Variants in EGF observed in about 807,000 individuals in gnomAD.
EGF encodes epidermal growth factor.
In EGF, 95 loss-of-function variants were observed where a neutral mutation model predicts 143.8. The observed-to-expected ratio is 0.66, with a 90% CI of 0.56 to 0.78. The LOEUF (loss-of-function observed/expected upper bound fraction) is 0.78, where lower values mean the gene tolerates loss of function less well. Among genes scored for constraint, EGF ranks in the 30% least tolerant of loss-of-function variants. The pLI is 0.00. For missense variants in EGF, 1,320 were observed against 1,470.9 expected (o/e 0.90, Z 1.68); for synonymous variants, 510 against 510.5 (o/e 1.00, Z 0.01).
intron 11 of EGF, among the ~76,000 whole-genome samples, chr4:109,971,585 G>C (rs1004361565): frequency 6.6e-6 from 1 of 152,158 alleles, no homozygotes; most frequent in Non-Finnish European, 1.5e-5. Flanking sequence ...AGGCACCACT[G>C]TTTCCTGGAG....
intron 5 of EGF, among the ~76,000 whole-genome samples, chr4:109,954,545 A>G (rs976438681): frequency 1.3e-5 from 2 of 152,178 alleles, no homozygotes; most frequent in African/African-American, 4.8e-5. Context: ...TCTATTACTG[A>G]CAAGAGTAAA....
In EGF at chr4:109,945,350, GGC is replaced by G. The variant is rs1476400651; in HGVS notation, c.940+77_940+78del. On this transcript the variant is annotated intron_variant, in intron 5 of 23. Coordinates refer to ENST00000265171, the MANE Select transcript of EGF (RefSeq NM_001963.6). Reference sequence around the variant, plus strand: ...TTCACCTGCTTGAGCCAGACAATGAGGCGTTGTAGGGGAAAAAAAATTTTTTT... The same window carrying G: ...TTCACCTGCTTGAGCCAGACAATGAGGTTGTAGGGGAAAAAAAATTTTTTT... 49 of 1,488,340 alleles carry G rather than the reference GGC, an allele frequency of 3.3e-5. No individual in the cohort carries two copies. In the African/African-American group the frequency reaches 5.4e-4, roughly 16 times the overall value. The allele number at this position is 1,488,340 out of a possible 1,614,324, so 92.2% of individuals were successfully genotyped here. A position where few individuals can be genotyped will look rare whatever the true frequency, so the allele number is the denominator to read the frequency against.
intron 22 of EGF, among the ~76,000 whole-genome samples, chr4:110,007,735 G>A (rs41335844): frequency 6.2e-4 from 94 of 152,234 alleles, no homozygotes; most frequent in African/African-American, 2.3e-3. Context: ...GTTTAAATGA[G>A]TGTTATTAAT....
intron 1 of EGF, among the ~76,000 whole-genome samples, chr4:109,922,306 GA>G (rs1737943253): frequency 6.6e-6 from 1 of 151,454 alleles, no homozygotes; most frequent in Non-Finnish European, 1.5e-5. Context: ...ATGTAAGTGG[GA>G]AAAAATGAGG....
intron 11 of EGF, among the ~76,000 whole-genome samples, chr4:109,971,417 G>A (rs865964370): frequency 1.3e-5 from 2 of 152,186 alleles, no homozygotes; most frequent in African/African-American, 2.4e-5. Context: ...GAGGGTAAAC[G>A]ATGATCAAAA....
chr4:109,973,413 G>A (rs1331606403), intron 11 of EGF, among the ~76,000 whole-genome samples: 1 of 151,966 alleles, frequency 6.6e-6, no homozygotes, highest in African/African-American at 2.4e-5. Flanking sequence ...ACCTTTGCCT[G>A]GCTGCCTGCT....
At chr4:110,008,692 T>C (rs1253927325) in intron 23 of EGF, among the ~76,000 whole-genome samples, 1 of 152,192 alleles carries the variant, frequency 6.6e-6, no homozygotes, top group Non-Finnish European at 1.5e-5. Context: ...AGTATTCAGG[T>C]CTTATCAGGG....
In EGF at chr4:109,951,445, A is replaced by G. The variant is rs143228410; in HGVS notation, c.940+6170A>G. 4.9e-3 allele frequency among the ~76,000 whole-genome samples: 752 copies of G among 152,286 alleles called. 2 individuals are homozygous for G. The highest frequency in any genetic ancestry group is 8.9e-3 in the Non-Finnish European group (605 of 68,032). On this transcript the variant is annotated intron_variant, in intron 5 of 23. Transcript: ENST00000265171. The stretch of plus-strand genomic sequence containing the variant: ...TAATATAATAAGGAATAAGTTTTAA[A>G]GATACATAATATCTGAGTACATAGG...
chr4:109,962,830 G>T (rs1261140907), intron 8 of EGF, among the ~76,000 whole-genome samples: 1 of 152,138 alleles, frequency 6.6e-6, no homozygotes, highest in African/African-American at 2.4e-5. Flanking sequence ...ATTTTGGGAG[G>T]CTGAGGCAGA....
chr4:110,000,430 CTTTG>C (rs565044572), intron 21 of EGF, among the ~76,000 whole-genome samples: 71 of 152,146 alleles, frequency 4.7e-4, no homozygotes, highest in African/African-American at 1.5e-3. Flanking sequence ...GTTCCACTCT[CTTTG>C]TTTAATATTA....
At chr4:109,994,097 G>T (rs931486892) in intron 19 of EGF, among the ~76,000 whole-genome samples, 4 of 151,396 alleles carry the variant, frequency 2.6e-5, no homozygotes, top group African/African-American at 9.7e-5. Context: ...CTGAAAAACT[G>T]CTTATATTTA....
chr4:109,980,582 C>T, intron 14 of EGF: 1 of 536,410 alleles, frequency 1.9e-6, no homozygotes, highest in Non-Finnish European at 3.3e-6. Flanking sequence ...GACTAAAGAG[C>T]TTCTTGAAAA....
At chr4:110,002,463 A>G (rs866053112) in intron 21 of EGF, among the ~76,000 whole-genome samples, 2 of 152,204 alleles carry the variant, frequency 1.3e-5, no homozygotes, top group African/African-American at 4.8e-5. Context: ...ACTGCTCTCC[A>G]GCCTGGGTGA....
In EGF at chr4:110,013,005, T is replaced by G. The variant is rs772744639; in HGVS notation, c.*1550T>G. Among the ~76,000 whole-genome samples the G allele has an allele frequency of 3.2e-4, 48 of 152,296 alleles. No homozygotes were observed. The highest frequency in any genetic ancestry group is 6.2e-4 in the South Asian group (3 of 4,820). On this transcript the variant is annotated 3_prime_UTR_variant, in exon 24 of 24. Transcript: ENST00000265171. ...ACTTTATAGGAATTTTGGTAAAGAT[T>G]TGGTGATGGGAGGATGACTTGAGGT...
chr4:109,937,261 G>A (rs1286705009), intron 1 of EGF, among the ~76,000 whole-genome samples: 1 of 151,878 alleles, frequency 6.6e-6, no homozygotes, highest in Non-Finnish European at 1.5e-5. Flanking sequence ...TCTTCTTGCT[G>A]CATTGATCCC....
intron 1 of EGF, 62 bp from the exon 2 acceptor site, chr4:109,940,884 A>G: frequency 1.3e-6 from 2 of 1,505,322 alleles, no homozygotes. Flanking sequence ...ATTGGGAAGT[A>G]TTTTGTTTAA....
intron 1 of EGF, among the ~76,000 whole-genome samples, chr4:109,936,981 G>A (rs910554004): frequency 1.3e-5 from 2 of 152,180 alleles, no homozygotes; most frequent in South Asian, 2.1e-4. Context: ...TAGAATAAGT[G>A]TGATGTGATG....
chr4:110,005,554 G>A (rs1240099447), intron 22 of EGF, among the ~76,000 whole-genome samples: 1 of 152,000 alleles, frequency 6.6e-6, no homozygotes, highest in East Asian at 1.9e-4. Context: ...TATTTTATCT[G>A]ACAATCCTAG....
chr4:110,011,634 A>G lies in EGF; in HGVS notation c.*179A>G, dbSNP rs570872546. 65 of 931,688 alleles carry G rather than the reference A, an allele frequency of 7.0e-5. No homozygotes were observed. In the African/African-American group the frequency reaches 8.8e-4, roughly 13 times the overall value. 57.7% of individuals were successfully genotyped at this position (931,688 alleles called of 1,614,324 possible). On this transcript the variant is annotated 3_prime_UTR_variant, in exon 24 of 24. Coordinates refer to ENST00000265171, the MANE Select transcript of EGF (RefSeq NM_001963.6). ...TTTGTTTGCTCTTTTAAGCAGTCTC[A>G]CTGCAGTCTTATTTCCAAGTAAGAG...
Sources: gnomAD v4.1 joint callset for allele counts (sites outside exome capture counted in the v4.1 genomes callset) on GRCh38, gnomAD v4.1.1 for gene constraint, MANE v1.5 for transcripts, NCBI Gene and HGNC (gene_info 2026-07-23, HGNC 2026-07-21) for gene names.